The following NECAB1 variants were observed in gnomAD, a reference collection of about 807,000 sequenced individuals.
NECAB1 encodes N-terminal EF-hand calcium binding protein 1, also known as N-terminal EF-hand calcium-binding protein 1.
NECAB1 carries 29 observed loss-of-function variants against 57.5 expected under a neutral mutation model. The ratio of observed to expected loss-of-function variants is 0.50; its 90% CI spans 0.38 to 0.69. The LOEUF is 0.69. Ranked by LOEUF, NECAB1 falls within the 30% of genes least tolerant of loss-of-function variation. The probability of loss-of-function intolerance (pLI) is 0.00; values close to 1 mark genes in which losing one functional copy is unlikely to be tolerated. For synonymous variants in NECAB1, 142 were observed against 147.7 expected, an observed-to-expected ratio of 0.96 and a Z score of 0.28; for missense variants, 372 against 413.8, an observed-to-expected ratio of 0.90 and a Z score of 0.88.
At chr8:90,855,819 A>C (rs1299044995) in intron 3 of NECAB1, among the ~76,000 whole-genome samples, 1 of 152,200 alleles carries the variant, frequency 6.6e-6, no homozygotes, top group African/African-American at 2.4e-5. Context: ...GTTGGTCTTC[A>C]GCCTGGTGGG....
At chr8:90,888,390 G>GAC (rs562686417) in intron 5 of NECAB1, among the ~76,000 whole-genome samples, 19 of 152,310 alleles carry the variant, frequency 1.2e-4, no homozygotes, top group Admixed American at 2.6e-4. Context: ...AGATAAGGGA[G>GAC]AGAAGTTAAT....
chr8:90,935,073 G>T (rs1485516383), intron 9 of NECAB1, among the ~76,000 whole-genome samples: 4 of 152,016 alleles, frequency 2.6e-5, no homozygotes, highest in African/African-American at 9.7e-5. Context: ...TTAAAATCTT[G>T]GGTAACTAGG....
At chr8:90,794,984 A>T (rs375661858) in intron 1 of NECAB1, among the ~76,000 whole-genome samples, 55 of 152,240 alleles carry the variant, frequency 3.6e-4, no homozygotes, top group African/African-American at 1.2e-3. Flanking sequence ...ATGCCAGTGC[A>T]TTGAGGCTGG....
At chr8:90,793,543 T>C (rs1044206361) in intron 1 of NECAB1, among the ~76,000 whole-genome samples, 2 of 152,198 alleles carry the variant, frequency 1.3e-5, no homozygotes, top group African/African-American at 2.4e-5. Flanking sequence ...TATTCAAGTT[T>C]TGCTGTTCAG....
chr8:90,922,832 G>A (rs77599144), intron 6 of NECAB1, among the ~76,000 whole-genome samples: 1 of 152,112 alleles, frequency 6.6e-6, no homozygotes, highest in East Asian at 1.9e-4. Flanking sequence ...AAATTCATAG[G>A]GAGATTTAGT....
At chr8:90,926,155 A>C (rs1810264215) in intron 7 of NECAB1, among the ~76,000 whole-genome samples, 1 of 152,202 alleles carries the variant, frequency 6.6e-6, no homozygotes, top group African/African-American at 2.4e-5. Flanking sequence ...TTAAATTTTA[A>C]CTGTGTCACT....
chr8:90,925,469 T>A, intron 6 of NECAB1, 66 bp from the exon 7 acceptor site: 2 of 1,565,986 alleles, frequency 1.3e-6, no homozygotes, highest in African/African-American at 1.4e-5. Flanking sequence ...CGCATGAAGA[T>A]CTCTTCCCTG....
intron 12 of NECAB1, 115 bp downstream of exon 12, chr8:90,951,319 A>G: frequency 1.7e-6 from 1 of 579,476 alleles, no homozygotes; most frequent in Middle Eastern, 3.9e-4. Flanking sequence ...TCTCTTATTT[A>G]TTTCTTTATA....
chr8:90,877,030 T>C (rs1808740498), intron 4 of NECAB1, among the ~76,000 whole-genome samples: 1 of 152,240 alleles, frequency 6.6e-6, no homozygotes. Flanking sequence ...AAGGACAATA[T>C]ACATTTGCCC....
intron 3 of NECAB1, among the ~76,000 whole-genome samples, chr8:90,841,553 G>A (rs538607448): frequency 6.6e-6 from 1 of 152,278 alleles, no homozygotes; most frequent in Admixed American, 6.5e-5. Context: ...GAATATTGGA[G>A]GCCACTTAGG....
At chr8:90,810,614 T>C (rs138125890) in intron 2 of NECAB1, among the ~76,000 whole-genome samples, 2 of 152,332 alleles carry the variant, frequency 1.3e-5, no homozygotes, top group Admixed American at 6.5e-5. Context: ...AATCAAAACA[T>C]GTCAGTTCCC....
rs201273656 is a variant in NECAB1 at position 90,824,758 on chromosome 8, G to A, written c.166G>A (p.Ala56Thr). 6.1e-5 allele frequency: 95 copies of A among 1,552,300 alleles called. No individual in the cohort carries two copies. The highest frequency in any genetic ancestry group is 4.4e-6 in the Non-Finnish European group (5 of 1,146,210). ...CTTTGAAGAATTCAAAGCATATTTT[G>A]CAGATGGTGTTCTCAGTGGAGAAGA... ...LSFEEFKAYF[A>T]DGVLSGEELH... Residue 56 changes from alanine (A) to threonine (T), a missense_variant, in exon 3 of 13, where the codon GCA (alanine) becomes ACA (threonine). Physicochemically the swap from Ala to Thr is moderately conservative, Grantham distance 58. Coordinates refer to ENST00000417640, the MANE Select transcript of NECAB1 (RefSeq NM_022351.5).
chr8:90,871,780 G>A (rs1240459822), intron 3 of NECAB1, among the ~76,000 whole-genome samples: 1 of 152,126 alleles, frequency 6.6e-6, no homozygotes, highest in Non-Finnish European at 1.5e-5. Context: ...GAGACACAGA[G>A]ATGTAAAGTA....
At position 90,876,496 on chromosome 8, in the gene NECAB1, ACT is replaced by A. The variant is rs1398142311; in HGVS notation, c.259+4344_259+4345del. On this transcript the variant is annotated intron_variant, in intron 4 of 12. Coordinates refer to ENST00000417640, the MANE Select transcript of NECAB1 (RefSeq NM_022351.5). ...AGAATACTTTGTAAGACCAGTTTCC[ACT>A]GAGACTTTTGTGGCAGCTGTGGGTC... 2.0e-5 allele frequency among the ~76,000 whole-genome samples: 3 copies of A among 152,190 alleles called. No individual in the cohort carries two copies. The East Asian group carries it at 5.8e-4, about 29-fold the overall frequency.
At chr8:90,792,211 A>G (rs982217503) in intron 1 of NECAB1, among the ~76,000 whole-genome samples, 1 of 152,250 alleles carries the variant, frequency 6.6e-6, no homozygotes, top group Non-Finnish European at 1.5e-5. Context: ...TGCAAAAGTT[A>G]GATTTTCCAA....
intron 3 of NECAB1, among the ~76,000 whole-genome samples, chr8:90,864,071 AT>A (rs1043245750): frequency 2.0e-5 from 3 of 152,146 alleles, no homozygotes; most frequent in Non-Finnish European, 4.4e-5. Context: ...GTTTATAGCA[AT>A]TTGATATTGC....
At chr8:90,799,122 A>T (rs969132829) in intron 1 of NECAB1, among the ~76,000 whole-genome samples, 1 of 152,082 alleles carries the variant, frequency 6.6e-6, no homozygotes, top group Non-Finnish European at 1.5e-5. Flanking sequence ...GTGTCTGTTC[A>T]TGTCTTTTGC....
intron 10 of NECAB1, among the ~76,000 whole-genome samples, chr8:90,942,609 T>A (rs1810698904): frequency 6.6e-6 from 1 of 152,088 alleles, no homozygotes; most frequent in South Asian, 2.1e-4. Context: ...AAATTCAGGG[T>A]GCAGTGGCTC....
intron 1 of NECAB1, among the ~76,000 whole-genome samples, chr8:90,798,810 A>G (rs760551862): frequency 1.3e-5 from 2 of 152,216 alleles, no homozygotes; most frequent in Non-Finnish European, 2.9e-5. Context: ...TTTTGAATAT[A>G]TACTCAGTAA....
Sources: allele counts gnomAD v4.1 joint callset (sites outside exome capture counted in the v4.1 genomes callset), GRCh38; gene constraint gnomAD v4.1.1; transcripts MANE v1.5; gene names NCBI Gene and HGNC (gene_info 2026-07-23, HGNC 2026-07-21).